LRRC4C: variants seen among roughly 807,000 people sequenced by gnomAD.
LRRC4C encodes leucine-rich repeat-containing protein 4C.
A neutral mutation model predicts 33.6 loss-of-function variants in LRRC4C; 5 were observed. The ratio of observed to expected loss-of-function variants is 0.15; its 90% CI spans 0.08 to 0.31. The LOEUF (loss-of-function observed/expected upper bound fraction) is 0.31. LRRC4C is among the 10% of genes least tolerant of loss of function. The pLI, the probability that LRRC4C is intolerant of heterozygous loss-of-function variation, is 1.00. For missense variants in LRRC4C, 560 were observed against 796.7 expected (o/e 0.70, Z 3.58); for synonymous variants, 329 against 302.0 (o/e 1.09, Z -0.93).
chr11:41,438,413 A>T (rs1168452442), intron 1 of LRRC4C, among the ~76,000 whole-genome samples: 1 of 152,170 alleles, frequency 6.6e-6, no homozygotes, highest in East Asian at 1.9e-4. Context: ...ATCCAACAAA[A>T]AGCTGAGATG....
intron 2 of LRRC4C, among the ~76,000 whole-genome samples, chr11:40,740,626 C>T (rs962728737): frequency 6.6e-6 from 1 of 151,928 alleles, no homozygotes; most frequent in Non-Finnish European, 1.5e-5. Flanking sequence ...TGTGCAGAAA[C>T]GTTTTAGTTT....
At chr11:40,350,261 T>G (rs1299535723) in intron 3 of LRRC4C, among the ~76,000 whole-genome samples, 1 of 152,142 alleles carries the variant, frequency 6.6e-6, no homozygotes, top group Non-Finnish European at 1.5e-5. Flanking sequence ...TCTGATCTGA[T>G]TTTTGCATGT....
At chr11:40,834,905 CAGACAG>C (rs761457356) in intron 2 of LRRC4C, among the ~76,000 whole-genome samples, 3,787 of 105,298 alleles carry the variant, frequency 0.036, 81 homozygotes, top group Admixed American at 0.1. Flanking sequence ...GACAGACAGA[CAGACAG>C]ACACACACAC....
intron 1 of LRRC4C, among the ~76,000 whole-genome samples, chr11:41,188,837 T>A (rs1471353713): frequency 6.6e-6 from 1 of 151,758 alleles, no homozygotes; most frequent in Non-Finnish European, 1.5e-5. Context: ...GAACCATATA[T>A]CCTTGTTGTT....
chr11:40,644,685 T>C (rs902702704), intron 3 of LRRC4C, among the ~76,000 whole-genome samples: 1 of 152,214 alleles, frequency 6.6e-6, no homozygotes, highest in African/African-American at 2.4e-5. Flanking sequence ...TGTGATTACA[T>C]TTAAATAACA....
rs542276444 is a variant in LRRC4C at position 40,476,130 on chromosome 11, C to G, written c.-269-156409G>C. Among the ~76,000 whole-genome samples the G allele has an allele frequency of 5.9e-5, 9 of 152,234 alleles. No individual in the cohort carries two copies. The South Asian group carries it at 1.9e-3, about 32-fold the overall frequency. ...TTGGCTATACCTTATCATCCTAGGC[C>G]TGTCTGAGACTGAAACCAATATTCT... On this transcript the variant is annotated intron_variant, in intron 3 of 6. Coordinates refer to ENST00000528697, the MANE Select transcript of LRRC4C (RefSeq NM_001258419.2).
chr11:40,283,971 G>C (rs538865650), intron 4 of LRRC4C, among the ~76,000 whole-genome samples: 1 of 151,978 alleles, frequency 6.6e-6, no homozygotes, highest in Admixed American at 6.6e-5. Flanking sequence ...CCAAAGTGCT[G>C]GGATTACAGG....
At chr11:40,776,017 T>A (rs1949979778) in intron 2 of LRRC4C, among the ~76,000 whole-genome samples, 1 of 145,484 alleles carries the variant, frequency 6.9e-6, no homozygotes, top group African/African-American at 2.9e-5. Context: ...ATTTTCTGTA[T>A]CTATTGAGAT....
chr11:40,390,630 A>G (rs967532079), intron 3 of LRRC4C, among the ~76,000 whole-genome samples: 1 of 152,154 alleles, frequency 6.6e-6, no homozygotes, highest in Non-Finnish European at 1.5e-5. Flanking sequence ...AACATCTAAT[A>G]TATAAGCTTA....
chr11:40,829,057 G>A (rs1037244260), intron 2 of LRRC4C, among the ~76,000 whole-genome samples: 4 of 151,652 alleles, frequency 2.6e-5, no homozygotes, highest in Non-Finnish European at 5.9e-5. Context: ...CTGTTCATTC[G>A]GCTACCTGAT....
At chr11:40,599,542 G>T (rs1412657282) in intron 3 of LRRC4C, among the ~76,000 whole-genome samples, 2 of 151,952 alleles carry the variant, frequency 1.3e-5, no homozygotes, top group Non-Finnish European at 2.9e-5. Context: ...CCATGTTTTT[G>T]CCTCTCTGAA....
intron 2 of LRRC4C, among the ~76,000 whole-genome samples, chr11:40,822,864 G>A (rs1358904527): frequency 6.6e-6 from 1 of 151,530 alleles, no homozygotes; most frequent in Non-Finnish European, 1.5e-5. Context: ...GAGAGATAGG[G>A]GTTTAGTTTA....
chr11:40,702,415 C>T (rs1349035071), intron 2 of LRRC4C, among the ~76,000 whole-genome samples: 6 of 152,120 alleles, frequency 3.9e-5, no homozygotes, highest in Non-Finnish European at 7.4e-5. Flanking sequence ...CTCTCCTTTG[C>T]TTCTTTCCCT....
At chr11:41,422,289 G>A (rs1383095068) in intron 1 of LRRC4C, among the ~76,000 whole-genome samples, 2 of 151,988 alleles carry the variant, frequency 1.3e-5, no homozygotes, top group Admixed American at 6.6e-5. Context: ...ATCATGATTG[G>A]CCTGAACCAA....
intron 2 of LRRC4C, among the ~76,000 whole-genome samples, chr11:40,696,179 A>G (rs1945500091): frequency 6.7e-6 from 1 of 148,380 alleles, no homozygotes; most frequent in Admixed American, 6.8e-5. Flanking sequence ...ACAAAATTCT[A>G]TCATTTGCTA....
chr11:40,453,919 A>T (rs1489672114), intron 3 of LRRC4C, among the ~76,000 whole-genome samples: 1 of 152,188 alleles, frequency 6.6e-6, no homozygotes, highest in Non-Finnish European at 1.5e-5. Context: ...TGAGTTACAC[A>T]TTTTAAATGA....
At chr11:41,364,937 G>T (rs1242468962) in intron 1 of LRRC4C, among the ~76,000 whole-genome samples, 1 of 152,058 alleles carries the variant, frequency 6.6e-6, no homozygotes, top group Non-Finnish European at 1.5e-5. Flanking sequence ...AATTTTCAAA[G>T]TTATTTTGTC....
intron 2 of LRRC4C, among the ~76,000 whole-genome samples, chr11:40,710,535 C>A (rs1052636686): frequency 1.3e-5 from 2 of 152,136 alleles, no homozygotes; most frequent in African/African-American, 2.4e-5. Flanking sequence ...TGCAGAACAG[C>A]AAATATTGCA....
intron 4 of LRRC4C, among the ~76,000 whole-genome samples, chr11:40,244,870 C>T (rs566938126): frequency 1.3e-5 from 2 of 152,166 alleles, no homozygotes; most frequent in African/African-American, 4.8e-5. Context: ...TTATTATTAC[C>T]ACTTATATTG....
Sources: allele counts gnomAD v4.1 joint callset (sites outside exome capture counted in the v4.1 genomes callset), GRCh38; gene constraint gnomAD v4.1.1; transcripts MANE v1.5; gene names NCBI Gene and HGNC (gene_info 2026-07-23, HGNC 2026-07-21).